AMMECR1: variants seen among roughly 807,000 people sequenced by gnomAD.
AMMECR1 encodes nuclear protein AMMECR1.
In AMMECR1, 3 loss-of-function variants were observed where a neutral mutation model predicts 22.5. The observed-to-expected ratio is 0.13, with a 90% CI of 0.06 to 0.35. The LOEUF (loss-of-function observed/expected upper bound fraction) is 0.35. Among genes scored for constraint, AMMECR1 ranks in the 10% least tolerant of loss-of-function variants. AMMECR1 has a pLI of 1.00. For missense variants in AMMECR1, 235 were observed against 278.7 expected, an observed-to-expected ratio of 0.84 and a Z score of 1.12; for synonymous variants, 130 against 116.7, an observed-to-expected ratio of 1.11 and a Z score of -0.74.
intron 2 of AMMECR1, among the ~76,000 whole-genome samples, chrX:110,232,243 TA>T (rs1213986358): frequency 8.9e-6 from 1 of 111,776 alleles, no homozygotes; most frequent in Non-Finnish European, 1.9e-5. Context: ...ACACTTATTC[TA>T]AAACTGACCA....
intron 2 of AMMECR1, among the ~76,000 whole-genome samples, chrX:110,374,901 TATG>T (rs2068365616): frequency 9.0e-6 from 1 of 111,199 alleles, no homozygotes; most frequent in African/African-American, 3.3e-5. Context: ...AGTGTCTGCA[TATG>T]ATATTATACA....
intron 5 of AMMECR1, among the ~76,000 whole-genome samples, chrX:110,200,131 A>G (rs1014493963): frequency 6.3e-5 from 7 of 111,757 alleles, no homozygotes; most frequent in African/African-American, 2.3e-4. Flanking sequence ...CAAATATTCT[A>G]TCCATTCTTC....
intron 2 of AMMECR1, among the ~76,000 whole-genome samples, chrX:110,262,055 C>T (rs1164740179): frequency 9.0e-6 from 1 of 111,566 alleles, no homozygotes; most frequent in Non-Finnish European, 1.9e-5. Flanking sequence ...CAGCCATTAA[C>T]AAAAATAATC....
At chrX:110,249,533 G>A (rs1464204768) in intron 2 of AMMECR1, among the ~76,000 whole-genome samples, 1 of 111,453 alleles carries the variant, frequency 9.0e-6, no homozygotes, top group Non-Finnish European at 1.9e-5. Flanking sequence ...ACCTACGAGA[G>A]TTCCAGCACA....
At chrX:110,432,466 G>A (rs988726459) in intron 1 of AMMECR1, among the ~76,000 whole-genome samples, 2 of 112,213 alleles carry the variant, frequency 1.8e-5, no homozygotes, top group Non-Finnish European at 3.8e-5. Flanking sequence ...TGGAGAAGGC[G>A]CTGTCTGGCT....
At chrX:110,346,889 G>A in intron 2 of AMMECR1, 1 of 615,421 alleles carries the variant, frequency 1.6e-6, no homozygotes, top group Non-Finnish European at 2.8e-6. Context: ...TCGTAGCGGC[G>A]ACGCTGGAGA....
chrX:110,315,260 A>T (rs1367105995), intron 1 of AMMECR1, among the ~76,000 whole-genome samples: 1 of 112,295 alleles, frequency 8.9e-6, no homozygotes, highest in African/African-American at 3.2e-5. Flanking sequence ...TCCACAGTAC[A>T]CCTCAAAAAT....
chrX:110,318,997 A>G (rs2068068583), upstream of AMMECR1, among the ~76,000 whole-genome samples: 1 of 112,457 alleles, frequency 8.9e-6, no homozygotes, highest in African/African-American at 3.2e-5. Context: ...GTACAAAGCA[A>G]TTAGGAATAT....
At chrX:110,350,871 G>A (rs1326016723) in intron 2 of AMMECR1, among the ~76,000 whole-genome samples, 1 of 110,584 alleles carries the variant, frequency 9.0e-6, no homozygotes, top group East Asian at 2.8e-4. Flanking sequence ...TACTCAGGAG[G>A]TTGAGGCAGG....
chrX:110,430,068 A>C (rs762270237), intron 1 of AMMECR1, among the ~76,000 whole-genome samples: 17 of 112,300 alleles, frequency 1.5e-4, no homozygotes, highest in Non-Finnish European at 2.3e-4. Flanking sequence ...TTCCAAGTGC[A>C]TCAGGGCACT....
chrX:110,231,583 G>C (rs774843755), intron 2 of AMMECR1, among the ~76,000 whole-genome samples: 1 of 111,971 alleles, frequency 8.9e-6, no homozygotes, highest in East Asian at 2.8e-4. Flanking sequence ...AAAGACCATC[G>C]ATGCTAAGAA....
intron 2 of AMMECR1, among the ~76,000 whole-genome samples, chrX:110,393,845 C>T (rs1391345012): frequency 8.9e-6 from 1 of 112,518 alleles, no homozygotes; most frequent in East Asian, 2.8e-4. Context: ...GCTCCGGCCA[C>T]CTGTGACCCT....
chrX:110,399,815 G>A, intron 2 of AMMECR1, among the ~76,000 whole-genome samples: 1 of 111,718 alleles, frequency 9.0e-6, no homozygotes, highest in Middle Eastern at 4.6e-3. Context: ...AACTAAGAGG[G>A]AGTTCTATGG....
Position 110,317,965 on chromosome X carries a change from T to C in AMMECR1, c.107A>G (p.Glu36Gly). 1 of 1,199,083 alleles carries C rather than the reference T, an allele frequency of 8.3e-7. No individual in the cohort carries two copies. The highest frequency in any genetic ancestry group is 1.1e-6 in the Non-Finnish European group (1 of 889,484). ...GASSSSHCSG[E>G]SQCRAGELGL... The stretch of plus-strand genomic sequence containing the variant: ...CAGCTCCCCAGCTCGGCACTGGCTC[T>C]CTCCGCTGCAGTGGGAGGAGGAGGA... The change falls in exon 1 of 6, where the codon GAG becomes GGG. Residue 36 changes from glutamate (E) to glycine (G), a missense_variant. This residue lies in a region of AMMECR1 where 124 missense variants were observed against 97.0 expected (regional missense o/e 1.28). Coordinates refer to ENST00000262844, the MANE Select transcript of AMMECR1 (RefSeq NM_015365.3).
intron 2 of AMMECR1, among the ~76,000 whole-genome samples, chrX:110,246,229 A>G (rs751373584): frequency 8.9e-6 from 1 of 112,068 alleles, no homozygotes; most frequent in African/African-American, 3.2e-5. Context: ...ATCCCATAAG[A>G]ATTGAGTGTT....
In AMMECR1 at chrX:110,393,753, C is replaced by T. The variant is rs746451209; in HGVS notation, c.-148+32905G>A. On this transcript the variant is annotated intron_variant, in intron 2 of 7. Coordinates refer to the AMMECR1 transcript ENST00000372057. ...CGTTAATGGGGAAAATTTGGTTTTCCCCAGGGCCACTGTCCATGGACAGGA... is the reference window on the plus strand; with the variant it reads ...CGTTAATGGGGAAAATTTGGTTTTCTCCAGGGCCACTGTCCATGGACAGGA... 9.8e-5 allele frequency among the ~76,000 whole-genome samples: 11 copies of T among 112,136 alleles called. No individual in the cohort carries two copies. In the South Asian group the frequency reaches 3.7e-3, roughly 38 times the overall value.
intron 2 of AMMECR1, among the ~76,000 whole-genome samples, chrX:110,390,480 G>T (rs1302299639): frequency 3.6e-5 from 4 of 111,965 alleles, no homozygotes; most frequent in Non-Finnish European, 7.5e-5. Flanking sequence ...GTAGCAGCCA[G>T]AAGTGTTTTT....
At chrX:110,201,292 G>A (rs1437712971) in intron 4 of AMMECR1, among the ~76,000 whole-genome samples, 2 of 111,687 alleles carry the variant, frequency 1.8e-5, no homozygotes, top group African/African-American at 3.3e-5. Flanking sequence ...CTTTATCTTC[G>A]CATTCGAAGT....
chrX:110,389,288 G>GT (rs1190299417), intron 2 of AMMECR1, among the ~76,000 whole-genome samples: 6 of 112,575 alleles, frequency 5.3e-5, no homozygotes, highest in East Asian at 2.8e-4. Context: ...ACACTTGGCT[G>GT]TTTTTTTGTA....
Sources: allele counts gnomAD v4.1 joint callset (sites outside exome capture counted in the v4.1 genomes callset), GRCh38; gene constraint gnomAD v4.1.1; regional missense constraint gnomAD v4.1.1; transcripts MANE v1.5; gene names NCBI Gene and HGNC (gene_info 2026-07-23, HGNC 2026-07-21).